HUWE1: variants seen among roughly 807,000 people sequenced by gnomAD.
HUWE1 encodes E3 ubiquitin-protein ligase HUWE1.
In HUWE1, 18 loss-of-function variants were observed where a neutral mutation model predicts 299.4. The observed-to-expected ratio is 0.06, with a 90% confidence interval of 0.04 to 0.09. The LOEUF (loss-of-function observed/expected upper bound fraction) is 0.09. HUWE1 is among the 10% of genes least tolerant of loss of function. HUWE1 has a pLI of 1.00. For synonymous variants in HUWE1, 1,317 were observed against 1,286.1 expected (o/e 1.02, Z -0.51); for missense variants, 1,832 against 3,462.3 (o/e 0.53, Z 11.82).
intron 67 of HUWE1, 114 bp downstream of exon 67, chrX:53,548,845 C>G: frequency 1.6e-6 from 1 of 639,083 alleles, no homozygotes; most frequent in South Asian, 2.4e-5. Context: ...ATACAGGGCT[C>G]AACACTTAAA....
At chrX:53,562,983 G>C (rs2062363040) in intron 52 of HUWE1, 54 bp from the exon 53 acceptor site, 2 of 1,019,242 alleles carry the variant, frequency 2.0e-6, no homozygotes, top group African/African-American at 1.9e-5. Flanking sequence ...TCCCTTTCCA[G>C]ACTGGGTGCG....
At chrX:53,535,522 A>G (rs1556911822) in intron 80 of HUWE1, 21 bp from the exon 81 acceptor site, 2 of 987,240 alleles carry the variant, frequency 2.0e-6, no homozygotes, top group Non-Finnish European at 1.4e-6. Context: ...CAAAACACCA[A>G]TCATACATAT....
chrX:53,543,634 T>C (rs1178950384), intron 73 of HUWE1: 6 of 557,191 alleles, frequency 1.1e-5, no homozygotes, highest in Non-Finnish European at 1.7e-5. Context: ...TGGGGTATGA[T>C]GGCCAAGCTT....
At chrX:53,596,298 GA>G (rs1401296620) in intron 29 of HUWE1, among the ~76,000 whole-genome samples, 15 of 110,464 alleles carry the variant, frequency 1.4e-4, no homozygotes, top group African/African-American at 5.0e-4. Context: ...GTGACAATTT[GA>G]AAAAACTCTC....
intron 36 of HUWE1, 92 bp from the exon 37 acceptor site, chrX:53,588,626 C>G (rs2063985250): frequency 3.5e-6 from 3 of 846,022 alleles, no homozygotes; most frequent in South Asian, 4.5e-5. Flanking sequence ...ACTCCCTCTG[C>G]CTCCAACACA....
chrX:53,604,302 A>G (rs2065042919), intron 26 of HUWE1, among the ~76,000 whole-genome samples: 1 of 111,944 alleles, frequency 8.9e-6, no homozygotes, highest in African/African-American at 3.3e-5. Context: ...TATCAGACCT[A>G]TAAGGACTGG....
rs1482315462 is a variant in HUWE1 at position 53,532,704 on chromosome X, A to G, written c.*605T>C. On this transcript the variant is annotated 3_prime_UTR_variant, in exon 84 of 84. Transcript: ENST00000262854. ...TAGGGCAGGGATGGTTTCCTGGAGA[A>G]TCCATCTTTTCTCCAGATGCCTAGC... 1.8e-5 allele frequency: 2 copies of G among 110,074 alleles called. No individual in the cohort carries two copies. Among genetic ancestry groups the G allele is most frequent in the Non-Finnish European group, 3.8e-5 (2 of 52,761 alleles). The allele number at this position is 110,074 out of a possible 1,213,427, so 9.1% of individuals were successfully genotyped here. A position where few individuals can be genotyped will look rare whatever the true frequency, so the allele number is the denominator to read the frequency against.
At chrX:53,654,153 A>G (rs782138437) in intron 3 of HUWE1, 22 bp from the exon 4 acceptor site, 5 of 939,775 alleles carry the variant, frequency 5.3e-6, no homozygotes, top group Non-Finnish European at 7.6e-6. Flanking sequence ...AAATCCCAAA[A>G]GAAGTGAGAA....
At chrX:53,593,922 C>T (rs1488584041) in intron 31 of HUWE1, among the ~76,000 whole-genome samples, 1 of 110,569 alleles carries the variant, frequency 9.0e-6, no homozygotes, top group Non-Finnish European at 1.9e-5. Context: ...CACAGTGAAA[C>T]CTCGTCTCTA....
chrX:53,563,628 G>T, intron 52 of HUWE1, 118 bp downstream of exon 52: 1 of 777,087 alleles, frequency 1.3e-6, no homozygotes, highest in Non-Finnish European at 1.9e-6. Context: ...GACAAGCAGC[G>T]ATCTAGGCTG....
chrX:53,542,721 T>C, intron 73 of HUWE1, 182 bp from the exon 74 acceptor site: 1 of 460,379 alleles, frequency 2.2e-6, no homozygotes, highest in Non-Finnish European at 3.9e-6. Context: ...TCTGCTTTTC[T>C]CCACTGTGTT....
At chrX:53,653,969 G>A in intron 4 of HUWE1, 94 bp downstream of exon 4, 2 of 605,944 alleles carry the variant, frequency 3.3e-6, no homozygotes, top group South Asian at 5.2e-5. Context: ...ATATATGGGT[G>A]ATGAGATTTG....
Position 53,592,416 on chromosome X carries a change from G to A in HUWE1, c.3954C>T (p.Asn1318=). 1 of 1,208,414 alleles carries A rather than the reference G, an allele frequency of 8.3e-7. No individual in the cohort carries two copies. The highest frequency in any genetic ancestry group is 1.1e-6 in the Non-Finnish European group (1 of 893,223). Residue 1318 remains asparagine, a synonymous_variant, in exon 33 of 84, where the codon AAC becomes AAT. Coordinates refer to ENST00000262854, the MANE Select transcript of HUWE1 (RefSeq NM_031407.7). ...ACCCTACCTGTTGCAGTTGTTGCTG[G>A]TTGACTTGAGGTTCCCGGCGGGAGC... ...EGGSRREPQV[N]QQQLQQLMDM...
At position 53,647,540 on chromosome X, in the gene HUWE1, C is replaced by T. The variant is rs782285002; in HGVS notation, c.179G>A (p.Arg60His). Residue 60 changes from arginine (R) to histidine (H), a missense_variant, in exon 6 of 84, where the codon CGC becomes CAC. Around this residue, in one of 15 missense-constraint regions of HUWE1, gnomAD observed 658 missense variants for 1,282.6 expected, o/e 0.51. Transcript: ENST00000262854. ...ELYHWVDLLD[R>H]FDGILADAGQ... ...AGCATCTGCCAGTATTCCATCGAAG[C>T]GGTCCAACAGGTCCACCCAGTGATA... is the stretch of plus-strand genomic sequence containing the variant. The T allele has an allele frequency of 4.1e-6, 5 of 1,207,407 alleles. No individual in the cohort carries two copies. Among genetic ancestry groups the T allele is most frequent in the African/African-American group, 3.5e-5 (2 of 57,678 alleles).
At chrX:53,641,526 T>G (rs1447657616) in intron 7 of HUWE1, among the ~76,000 whole-genome samples, 1 of 111,762 alleles carries the variant, frequency 8.9e-6, no homozygotes, top group African/African-American at 3.2e-5. Context: ...TATGAAGAGA[T>G]TCAGGGGTAA....
intron 20 of HUWE1, 84 bp from the exon 21 acceptor site, chrX:53,617,231 TAGAA>T: frequency 9.8e-7 from 1 of 1,022,168 alleles, no homozygotes; most frequent in Non-Finnish European, 1.4e-6. Context: ...CAAGCTGAGA[TAGAA>T]GGAATTTTGA....
At chrX:53,654,869 T>G (rs782051952) in intron 3 of HUWE1, among the ~76,000 whole-genome samples, 8 of 112,459 alleles carry the variant, frequency 7.1e-5, no homozygotes, top group Middle Eastern at 9.2e-3. Context: ...CACCTTTTAC[T>G]GTTCCTACCA....
intron 44 of HUWE1, 67 bp from the exon 45 acceptor site, chrX:53,575,855 C>T: frequency 1.9e-6 from 2 of 1,073,161 alleles, no homozygotes; most frequent in Non-Finnish European, 2.6e-6. Context: ...ATGTTAAGGC[C>T]TATCTAGTCA....
intron 22 of HUWE1, among the ~76,000 whole-genome samples, chrX:53,615,272 CAG>C (rs1377411408): frequency 1.9e-5 from 2 of 106,841 alleles, no homozygotes; most frequent in Non-Finnish European, 3.9e-5. Context: ...TTTTTGGAGA[CAG>C]AGTCTTGCAG....
Sources: allele counts gnomAD v4.1 joint callset (sites outside exome capture counted in the v4.1 genomes callset), GRCh38; gene constraint gnomAD v4.1.1; regional missense constraint gnomAD v4.1.1; transcripts MANE v1.5; gene names NCBI Gene and HGNC (gene_info 2026-07-23, HGNC 2026-07-21).